Variants in LATS2 observed in about 807,000 individuals in gnomAD.
LATS2 encodes serine/threonine-protein kinase LATS2.
A neutral mutation model predicts 76.0 loss-of-function variants in LATS2; 24 were observed. The ratio of observed to expected loss-of-function variants is 0.32; its 90% confidence interval spans 0.23 to 0.44. LATS2 has a LOEUF of 0.44. Among genes scored for constraint, LATS2 ranks in the 20% least tolerant of loss-of-function variants. The pLI is 1.00. For missense variants in LATS2, 1,286 were observed against 1,481.2 expected (o/e 0.87, Z 2.16); for synonymous variants, 692 against 635.4 (o/e 1.09, Z -1.34).
At chr13:21,033,645 A>C (rs1403492771) in intron 2 of LATS2, among the ~76,000 whole-genome samples, 1 of 149,510 alleles carries the variant, frequency 6.7e-6, no homozygotes, top group Non-Finnish European at 1.5e-5. Flanking sequence ...CAGACGGCAC[A>C]GAGTACAATT....
intron 2 of LATS2, among the ~76,000 whole-genome samples, chr13:21,039,741 C>G (rs567106453): frequency 7.9e-5 from 12 of 152,324 alleles, no homozygotes; most frequent in Admixed American, 1.3e-4. Flanking sequence ...AATCTGCCAA[C>G]ACAATGCCCA....
chr13:21,060,124 T>C (rs1161017948), intron 1 of LATS2, among the ~76,000 whole-genome samples: 1 of 151,786 alleles, frequency 6.6e-6, no homozygotes, highest in Non-Finnish European at 1.5e-5. Context: ...GTCGGGTGGG[T>C]TTTACCTTCT....
chr13:20,995,027 T>A (rs1339758705), intron 2 of LATS2, among the ~76,000 whole-genome samples: 1 of 152,182 alleles, frequency 6.6e-6, no homozygotes, highest in East Asian at 1.9e-4. Context: ...TCCCCTCTGC[T>A]GCTTAGCAGC....
chr13:21,033,349 A>T (rs190929167), intron 2 of LATS2, among the ~76,000 whole-genome samples: 1 of 152,038 alleles, frequency 6.6e-6, no homozygotes, highest in Non-Finnish European at 1.5e-5. Flanking sequence ...GAAATCCTGA[A>T]AGGAGGAGTC....
At chr13:21,031,845 G>C (rs1872538989) in intron 2 of LATS2, among the ~76,000 whole-genome samples, 1 of 152,136 alleles carries the variant, frequency 6.6e-6, no homozygotes, top group Non-Finnish European at 1.5e-5. Flanking sequence ...GACAGAGCAA[G>C]ACCTCGACTA....
intron 2 of LATS2, among the ~76,000 whole-genome samples, chr13:20,997,079 C>T (rs1376898319): frequency 6.6e-6 from 1 of 152,130 alleles, no homozygotes; most frequent in Non-Finnish European, 1.5e-5. Context: ...CTTCCCACTC[C>T]ATTAAAGCAG....
intron 2 of LATS2, among the ~76,000 whole-genome samples, chr13:21,045,003 A>C (rs1210394022): frequency 2.0e-5 from 3 of 152,184 alleles, no homozygotes; most frequent in Non-Finnish European, 2.9e-5. Flanking sequence ...CTGGGATTAC[A>C]GGCATGAGCC....
rs755252753 is a variant in LATS2 at position 20,988,943 on chromosome 13, C to T, written c.837G>A (p.Thr279=). 32 of 1,529,910 alleles carry T rather than the reference C, an allele frequency of 2.1e-5. No individual in the cohort carries two copies. Among genetic ancestry groups the T allele is most frequent in the African/African-American group, 2.7e-5 (2 of 72,838 alleles). The allele number at this position is 1,529,910 out of a possible 1,614,324, so 94.8% of individuals were successfully genotyped here. A position where few individuals can be genotyped will look rare whatever the true frequency, so the allele number is the denominator to read the frequency against. ...VQRSPSFQSK[T]PPETGGYASL... ...TGGCGTAACCCCCGGTCTCCGGCGG[C>T]GTCTTGCTCTGGAAGGAGGGGCTGC... is the stretch of plus-strand genomic sequence containing the variant. The change falls in exon 4 of 8, where the codon ACG becomes ACA. Residue 279 remains threonine, a synonymous_variant. Transcript: ENST00000382592.
intron 1 of LATS2, among the ~76,000 whole-genome samples, chr13:21,048,043 G>A (rs1175714843): frequency 1.3e-5 from 2 of 152,148 alleles, no homozygotes; most frequent in African/African-American, 4.8e-5. Context: ...TTAGATCCAG[G>A]GACAGCCCAG....
At chr13:20,993,474 C>G (rs1368871525) in intron 2 of LATS2, among the ~76,000 whole-genome samples, 1 of 151,986 alleles carries the variant, frequency 6.6e-6, no homozygotes, top group Admixed American at 6.6e-5. Context: ...GTGGGCATGG[C>G]AAGATGGCAG....
rs567879730 is a variant in LATS2 at position 20,974,814 on chromosome 13, C to T, written c.*56G>A. 1.5e-4 allele frequency: 224 copies of T among 1,537,314 alleles called. 1 individual carries two copies. The African/African-American group carries it at 2.5e-3, about 17-fold the overall frequency. ...CTTCCCTATTGGCCTGTGAGGGCAC[C>T]GGCTCCGGGACCCTGACCTGGGAGG... On this transcript the variant is annotated 3_prime_UTR_variant, in exon 8 of 8. Transcript: ENST00000382592.
At chr13:20,992,694 C>T (rs563083021) in intron 2 of LATS2, among the ~76,000 whole-genome samples, 3 of 152,162 alleles carry the variant, frequency 2.0e-5, no homozygotes, top group African/African-American at 7.2e-5. Flanking sequence ...AAATGTAGAA[C>T]GGGGAGCTCC....
intron 2 of LATS2, among the ~76,000 whole-genome samples, chr13:21,003,603 G>A (rs1359091378): frequency 8.6e-5 from 13 of 151,902 alleles, no homozygotes; most frequent in South Asian, 6.3e-4. Context: ...CACCACACCC[G>A]GCTAATTTTT....
intron 7 of LATS2, 84 bp from the exon 8 acceptor site, chr13:20,975,448 A>G (rs974126445): frequency 7.2e-7 from 1 of 1,384,822 alleles, no homozygotes; most frequent in African/African-American, 1.4e-5. Context: ...GTGACTTTCA[A>G]ATATGTTTAG....
intron 2 of LATS2, among the ~76,000 whole-genome samples, chr13:21,007,750 A>AG (rs1190489421): frequency 2.1e-3 from 13 of 6,166 alleles, no homozygotes; most frequent in African/African-American, 6.9e-3. Flanking sequence ...ATATATATAT[A>AG]TATATATATA....
At chr13:21,007,998 A>T (rs1401408740) in intron 2 of LATS2, among the ~76,000 whole-genome samples, 3 of 151,226 alleles carry the variant, frequency 2.0e-5, no homozygotes, top group African/African-American at 7.3e-5. Flanking sequence ...ACCTCAAGTG[A>T]TCCACCGACC....
chr13:21,038,229 G>A (rs1872745476), intron 2 of LATS2, among the ~76,000 whole-genome samples: 1 of 152,034 alleles, frequency 6.6e-6, no homozygotes, highest in Admixed American at 6.6e-5. Flanking sequence ...CTGTACCGGG[G>A]GCAGGAGAGG....
At chr13:21,047,149 G>A (rs7317362) in intron 1 of LATS2, among the ~76,000 whole-genome samples, 3,367 of 152,282 alleles carry the variant, frequency 0.022, 103 homozygotes, top group African/African-American at 0.074. Flanking sequence ...CTACTCTGCT[G>A]TTCTTTGATT....
At chr13:21,041,129 T>G (rs542497919) in intron 2 of LATS2, among the ~76,000 whole-genome samples, 1 of 152,070 alleles carries the variant, frequency 6.6e-6, no homozygotes, top group Non-Finnish European at 1.5e-5. Flanking sequence ...CCCGCCACCA[T>G]GCCCGGCTAA....
Sources: gnomAD v4.1 joint callset for allele counts (sites outside exome capture counted in the v4.1 genomes callset) on GRCh38, gnomAD v4.1.1 for gene constraint, MANE v1.5 for transcripts, NCBI Gene and HGNC (gene_info 2026-07-23, HGNC 2026-07-21) for gene names.